Variants in CDV3 observed in about 807,000 individuals in gnomAD.
The protein encoded by CDV3 is protein CDV3 homolog.
A neutral mutation model predicts 24.5 loss-of-function variants in CDV3; 14 were observed. That is an observed-to-expected ratio of 0.57 (90% CI 0.38 to 0.89). The LOEUF (loss-of-function observed/expected upper bound fraction) is 0.89, where lower values mean the gene tolerates loss of function less well. Among genes scored for constraint, CDV3 ranks in the 40% least tolerant of loss-of-function variants. The probability of loss-of-function intolerance (pLI) is 0.00; values close to 1 mark genes in which losing one functional copy is unlikely to be tolerated. For missense variants in CDV3, 304 were observed against 310.2 expected (o/e 0.98, Z 0.15); for synonymous variants, 114 against 114.1 (o/e 1.00, Z 0.00).
chr3:133,577,364 CTTT>C (rs59003310), intron 2 of CDV3, among the ~76,000 whole-genome samples: 2 of 142,454 alleles, frequency 1.4e-5, no homozygotes. Flanking sequence ...GTCTTTTTTT[CTTT>C]TTTTTTTTTT....
chr3:133,585,443 A>C (rs758510842), intron 3 of CDV3, among the ~76,000 whole-genome samples: 2 of 151,762 alleles, frequency 1.3e-5, no homozygotes, highest in Non-Finnish European at 2.9e-5. Context: ...GGCCTCCCAA[A>C]GTGCTGGGAT....
chr3:133,577,237 C>T (rs925461684), intron 2 of CDV3, among the ~76,000 whole-genome samples: 2 of 152,064 alleles, frequency 1.3e-5, no homozygotes, highest in East Asian at 1.9e-4. Flanking sequence ...CACTAACCTG[C>T]AACACTGAGA....
chr3:133,576,174 ACAT>A (rs1237581184), intron 2 of CDV3, among the ~76,000 whole-genome samples: 4 of 152,228 alleles, frequency 2.6e-5, no homozygotes, highest in Non-Finnish European at 2.9e-5. Context: ...TACTGTGAAA[ACAT>A]CATTTTGTGA....
chr3:133,583,292 G>A (rs1370835705), intron 2 of CDV3, among the ~76,000 whole-genome samples: 1 of 152,182 alleles, frequency 6.6e-6, no homozygotes, highest in Non-Finnish European at 1.5e-5. Flanking sequence ...TTTTATGTGC[G>A]AAAGGATTGG....
Position 133,589,858 on chromosome 3 carries a change from CAG to C in CDV3, c.*1814_*1815del, listed in dbSNP as rs1933945234. The C allele has an allele frequency of 6.6e-6, 1 of 152,270 alleles. No homozygotes were observed. The highest frequency in any genetic ancestry group is 2.4e-5 in the African/African-American group (1 of 41,544). The allele number at this position is 152,270 out of a possible 1,614,324, so 9.4% of individuals were successfully genotyped here. ...CCAAGGGAAGGTTGAATGATTAAAT[CAG>C]AAATGGGATTCTTGGTAAACTGAAG... On this transcript the variant is annotated 3_prime_UTR_variant, in exon 5 of 5. Transcript: ENST00000264993.
At chr3:133,575,014 T>G (rs1305581094) in intron 1 of CDV3, 25 bp from the exon 2 acceptor site, 2 of 1,447,216 alleles carry the variant, frequency 1.4e-6, no homozygotes, top group Non-Finnish European at 1.9e-6. Flanking sequence ...TAGCTTTAAT[T>G]GATCAAATGG....
chr3:133,574,591 G>C (rs1373547865), intron 1 of CDV3: 10 of 992,206 alleles, frequency 1.0e-5, no homozygotes, highest in Non-Finnish European at 1.2e-5. Flanking sequence ...AGCGTTTATC[G>C]GGTGACGTCT....
chr3:133,590,091 CTT>C lies in CDV3; in HGVS notation c.*2049_*2050del, dbSNP rs1559797200. 2 of 152,078 alleles carry C rather than the reference CTT, an allele frequency of 1.3e-5. No individual in the cohort carries two copies. Among genetic ancestry groups the C allele is most frequent in the Admixed American group, 1.3e-4 (2 of 15,278 alleles). The allele number at this position is 152,078 out of a possible 1,614,324, so 9.4% of individuals were successfully genotyped here. On this transcript the variant is annotated 3_prime_UTR_variant, in exon 5 of 5. Transcript: ENST00000264993. ...ATTTAAATTACAACTCTTGTTATAACTTTTTAAAAGATTGTGAAAATATCAAA... is the reference window on the plus strand; with the variant it reads ...ATTTAAATTACAACTCTTGTTATAACTTTAAAAGATTGTGAAAATATCAAA...
rs563614588 is a variant in CDV3, at chr3:133,585,209, T to C, written c.466+1059T>C. On this transcript the variant is annotated intron_variant, in intron 3 of 4. Coordinates refer to ENST00000264993, the MANE Select transcript of CDV3 (RefSeq NM_017548.5). Reference sequence around the variant, plus strand: ...GTAGACTACCGGGGCATGCCACCTGTTTATTTTATTGTAGAGATGAGATCT... The same window carrying C: ...GTAGACTACCGGGGCATGCCACCTGCTTATTTTATTGTAGAGATGAGATCT... 7.9e-5 allele frequency among the ~76,000 whole-genome samples: 12 copies of C among 151,970 alleles called. No individual in the cohort carries two copies. In the South Asian group the frequency reaches 2.5e-3, roughly 32 times the overall value.
At chr3:133,574,444 C>A in intron 1 of CDV3, 160 bp downstream of exon 1, 2 of 986,056 alleles carry the variant, frequency 2.0e-6, no homozygotes, top group South Asian at 4.7e-5. Flanking sequence ...GGGCTGGGCT[C>A]GCCAGGGCCG....
Position 133,584,039 on chromosome 3 carries a change from G to A in CDV3, c.355G>A (p.Asp119Asn). 1 of 1,610,946 alleles carries A rather than the reference G, an allele frequency of 6.2e-7. No individual in the cohort carries two copies. The highest frequency in any genetic ancestry group is 2.2e-5 in the East Asian group (1 of 44,854). The change falls in exon 3 of 5, where the codon GAT becomes AAT. Residue 119 changes from aspartate to asparagine, a missense_variant. Asp to Asn is a conservative substitution (Grantham distance 23, BLOSUM62 1). This residue lies in a region of CDV3 where 219 missense variants were observed against 203.6 expected (regional missense o/e 1.08). Transcript: ENST00000264993. ...AGAAGACGATAATGAAAAGAGACAA[G>A]ATCCAGGTGATAACTGGGAAGAAGG... ...KEEDDNEKRQ[D>N]PGDNWEEGGG...
rs147983187 is a variant in CDV3, at chr3:133,580,041, T to C, written c.318-3961T>C. Among the ~76,000 whole-genome samples the C allele has an allele frequency of 7.5e-4, 114 of 152,358 alleles. 1 individual carries two copies. Among genetic ancestry groups the C allele is most frequent in the African/African-American group, 2.7e-3 (112 of 41,578 alleles). Reference sequence around the variant, plus strand: ...AACGTGCAGGTTTGTTACATAGGTATATATGTGCCATGGTGGTTTGCTGCA... The same window carrying C: ...AACGTGCAGGTTTGTTACATAGGTACATATGTGCCATGGTGGTTTGCTGCA... On this transcript the variant is annotated intron_variant, in intron 2 of 4. Coordinates refer to ENST00000264993, the MANE Select transcript of CDV3 (RefSeq NM_017548.5).
At chr3:133,574,352 C>A in intron 1 of CDV3, 68 bp downstream of exon 1, 1 of 917,624 alleles carries the variant, frequency 1.1e-6, no homozygotes, top group Non-Finnish European at 1.3e-6. Flanking sequence ...CCCGCCCCCG[C>A]CTGCCGGGGA....
At chr3:133,578,351 C>CA (rs758009368) in intron 2 of CDV3, among the ~76,000 whole-genome samples, 1 of 152,196 alleles carries the variant, frequency 6.6e-6, no homozygotes, top group Non-Finnish European at 1.5e-5. Flanking sequence ...GAGCATTTGT[C>CA]ACGTTTCAGT....
chr3:133,578,760 G>A (rs1051178091), intron 2 of CDV3, among the ~76,000 whole-genome samples: 1 of 152,120 alleles, frequency 6.6e-6, no homozygotes, highest in South Asian at 2.1e-4. Context: ...GGAGATGCCC[G>A]GTATTCCAGC....
At chr3:133,576,210 A>C (rs1173412709) in intron 2 of CDV3, among the ~76,000 whole-genome samples, 1 of 152,230 alleles carries the variant, frequency 6.6e-6, no homozygotes, top group African/African-American at 2.4e-5. Context: ...TGAAACCCCC[A>C]GATTGATAAT....
intron 1 of CDV3, 197 bp downstream of exon 1, chr3:133,574,481 G>T: frequency 1.0e-6 from 1 of 986,446 alleles, no homozygotes; most frequent in Non-Finnish European, 1.2e-6. Context: ...CCGCGGTGGA[G>T]CCGCCCTTCC....
chr3:133,587,629 C>T (rs1933750894), intron 4 of CDV3: 1 of 1,165,446 alleles, frequency 8.6e-7, no homozygotes, highest in Non-Finnish European at 1.1e-6. Flanking sequence ...CAGCTTTTAA[C>T]AGTTTTCTTC....
intron 1 of CDV3, 63 bp downstream of exon 1, chr3:133,574,347 C>CCCG: frequency 1.1e-6 from 1 of 917,314 alleles, no homozygotes; most frequent in Non-Finnish European, 1.3e-6. Flanking sequence ...ATGTGCCCGC[C>CCCG]CCCGCCTGCC....
Sources: gnomAD v4.1 joint callset for allele counts (sites outside exome capture counted in the v4.1 genomes callset) on GRCh38, gnomAD v4.1.1 for gene constraint, gnomAD v4.1.1 regional missense constraint, MANE v1.5 for transcripts, NCBI Gene and HGNC (gene_info 2026-07-23, HGNC 2026-07-21) for gene names.